The following SEMA3A variants were observed in gnomAD, a reference collection of about 807,000 sequenced individuals.
SEMA3A encodes semaphorin-3A.
SEMA3A carries 29 observed loss-of-function variants against 97.9 expected under a neutral mutation model. The observed-to-expected ratio is 0.30, with a 90% confidence interval of 0.22 to 0.40. The LOEUF (loss-of-function observed/expected upper bound fraction) is 0.40. Ranked by LOEUF, SEMA3A falls within the 10% of genes least tolerant of loss-of-function variation. The probability of loss-of-function intolerance (pLI) is 1.00; values close to 1 mark genes in which losing one functional copy is unlikely to be tolerated. For missense variants in SEMA3A, 763 were observed against 951.3 expected (o/e 0.80, Z 2.60); for synonymous variants, 321 against 323.7 (o/e 0.99, Z 0.09).
intron 1 of SEMA3A, among the ~76,000 whole-genome samples, chr7:84,372,452 T>G (rs550579138): frequency 4.1e-4 from 63 of 152,074 alleles, no homozygotes; most frequent in Non-Finnish European, 8.1e-4. Flanking sequence ...GAATTCTGGA[T>G]TCTACAGTTA....
intron 2 of SEMA3A, among the ~76,000 whole-genome samples, chr7:84,367,970 T>C (rs955617741): frequency 2.0e-5 from 3 of 151,226 alleles, no homozygotes; most frequent in Non-Finnish European, 4.5e-5. Flanking sequence ...ATTTTATAAA[T>C]ATTCTATGCT....
intron 1 of SEMA3A, among the ~76,000 whole-genome samples, chr7:84,182,717 TACAGTTAAG>T (rs1797768452): frequency 6.6e-6 from 1 of 152,122 alleles, no homozygotes; most frequent in African/African-American, 2.4e-5. Context: ...GCAACAGGTC[TACAGTTAAG>T]ACATTTAGCT....
intron 1 of SEMA3A, among the ~76,000 whole-genome samples, chr7:84,444,996 C>T (rs1371709920): frequency 9.2e-5 from 14 of 152,128 alleles, no homozygotes; most frequent in Admixed American, 8.5e-4. Context: ...ATTCATGTTG[C>T]TCTGATAGAG....
rs112970691 is a variant in SEMA3A at position 84,244,569 on chromosome 7, G to A, written c.-82-49901C>T. Among the ~76,000 whole-genome samples the A allele has an allele frequency of 3.9e-5, 6 of 152,062 alleles. 1 individual carries two copies. Among genetic ancestry groups the A allele is most frequent in the African/African-American group, 1.4e-4 (6 of 41,478 alleles). ...TTTCCAGTCTGTGTCTTTTAATTGG[G>A]GCATTTAGCACGTTTACATTTAAAG... is the stretch of plus-strand genomic sequence containing the variant. On this transcript the variant is annotated intron_variant, in intron 3 of 3. Coordinates refer to the SEMA3A transcript ENST00000424555.
At chr7:84,068,632 A>G (rs1347221961) in intron 4 of SEMA3A, among the ~76,000 whole-genome samples, 1 of 152,010 alleles carries the variant, frequency 6.6e-6, no homozygotes, top group Non-Finnish European at 1.5e-5. Flanking sequence ...CTTGTACTCA[A>G]TAAGACATTT....
chr7:83,997,065 G>C (rs1473032837), intron 12 of SEMA3A, among the ~76,000 whole-genome samples: 1 of 152,150 alleles, frequency 6.6e-6, no homozygotes, highest in Non-Finnish European at 1.5e-5. Context: ...AATGGGTGTA[G>C]CACTGGTTTT....
intron 1 of SEMA3A, among the ~76,000 whole-genome samples, chr7:84,378,529 G>A (rs1167815556): frequency 6.6e-6 from 1 of 152,050 alleles, no homozygotes; most frequent in Non-Finnish European, 1.5e-5. Flanking sequence ...TGGACACAGG[G>A]AGGGAACATC....
intron 3 of SEMA3A, among the ~76,000 whole-genome samples, chr7:84,215,084 G>A (rs1271418823): frequency 6.6e-6 from 1 of 152,088 alleles, no homozygotes; most frequent in Non-Finnish European, 1.5e-5. Flanking sequence ...TGTTGGCCAG[G>A]CTGGTTTTGA....
At chr7:84,299,240 G>GTA (rs1164736927) in intron 3 of SEMA3A, among the ~76,000 whole-genome samples, 1 of 108,602 alleles carries the variant, frequency 9.2e-6, no homozygotes, top group Admixed American at 9.1e-5. Context: ...ATAAAACAGT[G>GTA]TGTATATATA....
At chr7:83,980,653 C>CACAT (rs1464720678) in intron 14 of SEMA3A, among the ~76,000 whole-genome samples, 2 of 130,806 alleles carry the variant, frequency 1.5e-5, no homozygotes, top group African/African-American at 2.9e-5. Flanking sequence ...CACACACACA[C>CACAT]ATATACATAT....
intron 1 of SEMA3A, among the ~76,000 whole-genome samples, chr7:84,164,166 A>T (rs908322207): frequency 1.3e-5 from 2 of 152,120 alleles, no homozygotes; most frequent in African/African-American, 4.8e-5. Context: ...TTTTTACCAA[A>T]TATGTTTCAT....
intron 3 of SEMA3A, among the ~76,000 whole-genome samples, chr7:84,299,103 A>G (rs1800934461): frequency 6.6e-6 from 1 of 151,956 alleles, no homozygotes; most frequent in Non-Finnish European, 1.5e-5. Flanking sequence ...AGGTTTTGGA[A>G]GTCAAACTGA....
intron 12 of SEMA3A, among the ~76,000 whole-genome samples, chr7:84,001,263 A>G (rs756995577): frequency 2.0e-5 from 3 of 152,010 alleles, no homozygotes; most frequent in Non-Finnish European, 4.4e-5. Flanking sequence ...TATATGTTAG[A>G]CTACTTTAGT....
chr7:84,312,953 T>C lies in SEMA3A; in HGVS notation c.-168-5661A>G, dbSNP rs575445472. ...ACACACACACACACACGTACACACA[T>C]ATATGTTACATATTGTATATAATAT... is the stretch of plus-strand genomic sequence containing the variant. On this transcript the variant is annotated intron_variant, in intron 2 of 3. Coordinates refer to the SEMA3A transcript ENST00000424555. Among the ~76,000 whole-genome samples the C allele has an allele frequency of 2.7e-3, 343 of 128,158 alleles. 2 individuals are homozygous for C. Among genetic ancestry groups the C allele is most frequent in the African/African-American group, 0.011 (322 of 30,448 alleles). 84.1% of individuals were successfully genotyped at this position (128,158 alleles called of 152,430 possible). A position where few individuals can be genotyped will look rare whatever the true frequency, so the allele number is the denominator to read the frequency against.
rs73382867 is a variant in SEMA3A, at chr7:84,185,144, T to A, written c.112+9331A>T. Among the ~76,000 whole-genome samples, 1,522 of 152,286 alleles carry A rather than the reference T, an allele frequency of 1.0e-2. 35 individuals carry two copies. The highest frequency in any genetic ancestry group is 0.035 in the African/African-American group (1,455 of 41,564). On this transcript the variant is annotated intron_variant, in intron 1 of 16. Transcript: ENST00000265362. ...TTTTCTTGTACTTGAGTATTGTGGA[T>A]ATACACAACACACACATACTAAATA...
At chr7:84,380,113 G>T (rs1321718745) in intron 1 of SEMA3A, among the ~76,000 whole-genome samples, 1 of 152,066 alleles carries the variant, frequency 6.6e-6, no homozygotes. Flanking sequence ...CCAAATAAAT[G>T]AGACTTATTT....
chr7:84,132,766 C>A (rs1011709305), intron 2 of SEMA3A, among the ~76,000 whole-genome samples: 59 of 143,562 alleles, frequency 4.1e-4, no homozygotes, highest in African/African-American at 1.4e-3. Flanking sequence ...ACCTCTGCCT[C>A]CCAGGTTCAA....
intron 1 of SEMA3A, among the ~76,000 whole-genome samples, chr7:84,150,794 GACAA>G (rs1271903097): frequency 1.3e-5 from 2 of 152,196 alleles, no homozygotes; most frequent in East Asian, 3.9e-4. Context: ...GCAGGGCACA[GACAA>G]ACAAAAAGAC....
chr7:84,001,152 G>T (rs1790430872), intron 12 of SEMA3A, among the ~76,000 whole-genome samples: 1 of 151,844 alleles, frequency 6.6e-6, no homozygotes. Flanking sequence ...ACATTTACAG[G>T]CATGTATTTT....
Sources: gnomAD v4.1 joint callset for allele counts (sites outside exome capture counted in the v4.1 genomes callset) on GRCh38, gnomAD v4.1.1 for gene constraint, MANE v1.5 for transcripts, NCBI Gene and HGNC (gene_info 2026-07-23, HGNC 2026-07-21) for gene names.